NCAM2: variants seen among roughly 807,000 people sequenced by gnomAD.
NCAM2 encodes the protein neural cell adhesion molecule 2.
In NCAM2, 30 loss-of-function variants were observed where a neutral mutation model predicts 98.1. The observed-to-expected ratio is 0.31, with a 90% CI of 0.23 to 0.41. The LOEUF (loss-of-function observed/expected upper bound fraction) is 0.41. Among genes scored for constraint, NCAM2 ranks in the 10% least tolerant of loss-of-function variants. NCAM2 has a pLI of 1.00. For synonymous variants in NCAM2, 368 were observed against 342.4 expected (o/e 1.07, Z -0.83); for missense variants, 867 against 1,005.8 (o/e 0.86, Z 1.87).
At chr21:21,261,236 C>G (rs2071887883) in intron 1 of NCAM2, among the ~76,000 whole-genome samples, 1 of 152,036 alleles carries the variant, frequency 6.6e-6, no homozygotes, top group African/African-American at 2.4e-5. Context: ...AGACAGAAAG[C>G]AATACAATAA....
chr21:21,138,604 A>G (rs1214034377), intron 1 of NCAM2, among the ~76,000 whole-genome samples: 1 of 152,094 alleles, frequency 6.6e-6, no homozygotes, highest in African/African-American at 2.4e-5. Flanking sequence ...ATCCTCTCAC[A>G]TCTCCAGCAA....
chr21:21,121,022 G>A (rs977081964), intron 1 of NCAM2, among the ~76,000 whole-genome samples: 1 of 152,082 alleles, frequency 6.6e-6, no homozygotes, highest in Middle Eastern at 3.2e-3. Context: ...GGCCATGGAT[G>A]TTTATTTGTA....
Position 21,365,837 on chromosome 21 carries a change from T to C in NCAM2, c.1045-8026T>C, listed in dbSNP as rs373490831. Among the ~76,000 whole-genome samples the C allele has an allele frequency of 2.0e-5, 3 of 152,100 alleles. No homozygotes were observed. The East Asian group carries it at 5.8e-4, about 29-fold the overall frequency. On this transcript the variant is annotated intron_variant, in intron 8 of 17. Transcript: ENST00000400546. ...ATACTGCAGAAAATGACTAGCAAAA[T>C]CAAGACATAGCACCATAATCTATCC...
At chr21:21,505,813 T>A (rs1053259216) in intron 15 of NCAM2, among the ~76,000 whole-genome samples, 1 of 152,216 alleles carries the variant, frequency 6.6e-6, no homozygotes. Flanking sequence ...TACTTTGTAC[T>A]GGGCAATAAG....
intron 1 of NCAM2, among the ~76,000 whole-genome samples, chr21:21,139,637 T>A (rs1309966937): frequency 1.3e-5 from 2 of 152,216 alleles, no homozygotes; most frequent in South Asian, 2.1e-4. Flanking sequence ...GGTAGTTTTT[T>A]AATTCACATT....
chr21:21,337,512 G>T (rs2074906059), intron 7 of NCAM2, among the ~76,000 whole-genome samples: 1 of 151,804 alleles, frequency 6.6e-6, no homozygotes, highest in Non-Finnish European at 1.5e-5. Flanking sequence ...CAACTTATTT[G>T]TGTTTCTTTG....
chr21:21,118,700 C>G (rs1186680485), intron 1 of NCAM2, among the ~76,000 whole-genome samples: 2 of 151,928 alleles, frequency 1.3e-5, no homozygotes, highest in African/African-American at 4.8e-5. Flanking sequence ...TGTTTCTGTC[C>G]TATTGCTATC....
rs1360679610 is a variant in NCAM2, at chr21:21,365,227, A to AT, written c.1045-8634dup. ...TTTCCGTTGGAGATTTGAGCTAATT[A>AT]TTGCTTAGTGCGTGTGTGTGTGTGT... On this transcript the variant is annotated intron_variant, in intron 8 of 17. Coordinates refer to ENST00000400546, the MANE Select transcript of NCAM2 (RefSeq NM_004540.5). 6.3e-5 allele frequency among the ~76,000 whole-genome samples: 6 copies of AT among 95,762 alleles called. No individual in the cohort carries two copies. The East Asian group carries it at 1.3e-3, about 20-fold the overall frequency. 62.8% of individuals were successfully genotyped at this position (95,762 alleles called of 152,430 possible). A position where few individuals can be genotyped will look rare whatever the true frequency, so the allele number is the denominator to read the frequency against.
intron 11 of NCAM2, among the ~76,000 whole-genome samples, chr21:21,420,375 G>A (rs2077086659): frequency 6.6e-6 from 1 of 151,868 alleles, no homozygotes; most frequent in Non-Finnish European, 1.5e-5. Flanking sequence ...TTACAAGACT[G>A]ATAAGGAATC....
intron 1 of NCAM2, among the ~76,000 whole-genome samples, chr21:21,063,767 A>G (rs1376499454): frequency 2.6e-5 from 4 of 152,140 alleles, no homozygotes; most frequent in African/African-American, 9.7e-5. Context: ...TTTACGTTAC[A>G]ATTATTTTAT....
At chr21:21,370,219 A>G (rs747349573) in intron 8 of NCAM2, among the ~76,000 whole-genome samples, 13 of 151,918 alleles carry the variant, frequency 8.6e-5, no homozygotes, top group Non-Finnish European at 1.8e-4. Flanking sequence ...TGTCATCTAT[A>G]TCAGCATGCA....
At chr21:21,268,704 C>T (rs917380499) in intron 1 of NCAM2, among the ~76,000 whole-genome samples, 1 of 152,166 alleles carries the variant, frequency 6.6e-6, no homozygotes, top group East Asian at 1.9e-4. Context: ...TTTGCTTCAT[C>T]GGAGAAGGGA....
rs2071543090 is a variant in NCAM2, at chr21:21,253,387, T to C, written c.56-27191T>C. Among the ~76,000 whole-genome samples, 3 of 152,168 alleles carry C rather than the reference T, an allele frequency of 2.0e-5. No homozygotes were observed. The South Asian group carries it at 6.2e-4, about 31-fold the overall frequency. On this transcript the variant is annotated intron_variant, in intron 1 of 17. Coordinates refer to ENST00000400546, the MANE Select transcript of NCAM2 (RefSeq NM_004540.5). ...CCAAATTCATGTGCTGAAACTTTAT[T>C]ACCAGTAGTATAGTATTAGGTGGTG...
chr21:21,254,165 T>G (rs934187024), intron 1 of NCAM2, among the ~76,000 whole-genome samples: 5 of 152,210 alleles, frequency 3.3e-5, no homozygotes, highest in African/African-American at 1.2e-4. Flanking sequence ...TTGTCTCAGC[T>G]TAGTATCAAA....
chr21:21,497,306 C>T (rs968778121), intron 15 of NCAM2, among the ~76,000 whole-genome samples: 2 of 152,024 alleles, frequency 1.3e-5, no homozygotes, highest in Non-Finnish European at 2.9e-5. Flanking sequence ...TGCATTTCCG[C>T]ATGTAAGAAA....
intron 6 of NCAM2, among the ~76,000 whole-genome samples, chr21:21,331,311 A>G (rs890721273): frequency 6.7e-6 from 1 of 150,278 alleles, no homozygotes; most frequent in Non-Finnish European, 1.5e-5. Context: ...TAACTTTTTA[A>G]TTACTATTTA....
intron 9 of NCAM2, among the ~76,000 whole-genome samples, chr21:21,401,612 T>G (rs1224922159): frequency 6.6e-6 from 1 of 152,232 alleles, no homozygotes; most frequent in African/African-American, 2.4e-5. Context: ...TCCTCCAGAT[T>G]CATTCATGTC....
intron 12 of NCAM2, among the ~76,000 whole-genome samples, chr21:21,465,744 C>T (rs1983601262): frequency 6.6e-6 from 1 of 151,882 alleles, no homozygotes; most frequent in South Asian, 2.1e-4. Flanking sequence ...GACATAACTT[C>T]CTTTTGATTT....
intron 10 of NCAM2, among the ~76,000 whole-genome samples, chr21:21,413,346 A>G (rs1249064902): frequency 1.3e-5 from 2 of 152,184 alleles, no homozygotes; most frequent in Admixed American, 6.5e-5. Context: ...GAAGAAATAA[A>G]TATTTTTAGG....
Sources: gnomAD v4.1 joint callset for allele counts (sites outside exome capture counted in the v4.1 genomes callset) on GRCh38, gnomAD v4.1.1 for gene constraint, MANE v1.5 for transcripts, NCBI Gene and HGNC (gene_info 2026-07-23, HGNC 2026-07-21) for gene names.